Variants in CSNK2A2IP observed in about 807,000 individuals in gnomAD.
CSNK2A2IP encodes the protein casein kinase II subunit alpha'-interacting protein.
chr3:88,425,904 A>G, the CSNK2A2IP span, among the ~76,000 whole-genome samples: 1 of 152,116 alleles, frequency 6.6e-6, no homozygotes, highest in Admixed American at 6.5e-5. Context: ...AATAGTCTTG[A>G]TTTTACCCAA....
At chr3:88,464,902 G>A in the CSNK2A2IP span, among the ~76,000 whole-genome samples, 1 of 152,124 alleles carries the variant, frequency 6.6e-6, no homozygotes, top group South Asian at 2.1e-4. Flanking sequence ...TTTTACAGAT[G>A]ATGAATGGGG....
At chr3:88,340,669 T>A in the CSNK2A2IP span, among the ~76,000 whole-genome samples, 1 of 152,130 alleles carries the variant, frequency 6.6e-6, no homozygotes, top group Admixed American at 6.6e-5. Flanking sequence ...GTGATTTCTT[T>A]GAGCTTTAAG....
At chr3:88,423,063 A>G in the CSNK2A2IP span, among the ~76,000 whole-genome samples, 370 of 152,300 alleles carry the variant, frequency 2.4e-3, 2 homozygotes, top group African/African-American at 8.4e-3. Flanking sequence ...TCCAGCGTGG[A>G]ATACTTGAGA....
the CSNK2A2IP span, among the ~76,000 whole-genome samples, chr3:88,402,587 G>A: frequency 1.3e-5 from 2 of 151,974 alleles, no homozygotes; most frequent in African/African-American, 2.4e-5. Context: ...CAAAAATGTT[G>A]AGAGAAAAAG....
At chr3:88,453,551 T>G in the CSNK2A2IP span, among the ~76,000 whole-genome samples, 1 of 152,122 alleles carries the variant, frequency 6.6e-6, no homozygotes, top group East Asian at 1.9e-4. Context: ...ATGGGTTCCC[T>G]GAAGGACTAT....
At chr3:88,450,988 A>G in the CSNK2A2IP span, among the ~76,000 whole-genome samples, 9 of 152,030 alleles carry the variant, frequency 5.9e-5, no homozygotes, top group Non-Finnish European at 1.0e-4. Context: ...AATTTCCTTT[A>G]TTTCCCAGCT....
chr3:88,449,705 A>G, the CSNK2A2IP span, among the ~76,000 whole-genome samples: 1 of 148,606 alleles, frequency 6.7e-6, no homozygotes. Context: ...TAATGAAATC[A>G]ACCACACTCC....
At chr3:88,444,331 A>C in the CSNK2A2IP span, among the ~76,000 whole-genome samples, 1 of 152,182 alleles carries the variant, frequency 6.6e-6, no homozygotes, top group Non-Finnish European at 1.5e-5. Flanking sequence ...AATTTAGATG[A>C]AGATATTAAC....
chr3:88,370,961 C>T, the CSNK2A2IP span, among the ~76,000 whole-genome samples: 7 of 151,672 alleles, frequency 4.6e-5, no homozygotes, highest in African/African-American at 1.7e-4. Context: ...GAGAAAGTAG[C>T]CCTCTGAAAG....
the CSNK2A2IP span, among the ~76,000 whole-genome samples, chr3:88,379,297 C>T: frequency 6.6e-6 from 1 of 151,960 alleles, no homozygotes; most frequent in Non-Finnish European, 1.5e-5. Context: ...TCAGAATAAA[C>T]GCCTTGTCAA....
chr3:88,417,183 A>G, the CSNK2A2IP span, among the ~76,000 whole-genome samples: 1 of 152,122 alleles, frequency 6.6e-6, no homozygotes, highest in Non-Finnish European at 1.5e-5. Context: ...GTGATGAGAG[A>G]AAAATGGGAA....
chr3:88,379,852 T>C, the CSNK2A2IP span, among the ~76,000 whole-genome samples: 24 of 152,124 alleles, frequency 1.6e-4, no homozygotes, highest in African/African-American at 4.6e-4. Flanking sequence ...TGTTTTTATT[T>C]TTCAGGAAGA....
the CSNK2A2IP span, among the ~76,000 whole-genome samples, chr3:88,443,517 T>C: frequency 0.014 from 2,071 of 152,192 alleles, 40 homozygotes; most frequent in African/African-American, 0.048. Flanking sequence ...ATGCCAGCAA[T>C]AGTCAGGAGA....
At chr3:88,369,888 A>G in the CSNK2A2IP span, among the ~76,000 whole-genome samples, 1 of 151,930 alleles carries the variant, frequency 6.6e-6, no homozygotes, top group Non-Finnish European at 1.5e-5. Flanking sequence ...GAAACCACCA[A>G]AAGGGTGAGC....
chr3:88,402,423 A>G, the CSNK2A2IP span, among the ~76,000 whole-genome samples: 1 of 152,078 alleles, frequency 6.6e-6, no homozygotes, highest in South Asian at 2.1e-4. Flanking sequence ...GATTTACTTC[A>G]GAAAAACTCT....
the CSNK2A2IP span, among the ~76,000 whole-genome samples, chr3:88,386,338 C>T: frequency 1.3e-5 from 2 of 152,112 alleles, no homozygotes; most frequent in African/African-American, 4.8e-5. Context: ...GTTGGCCGGG[C>T]CAGTCTCAAA....
the CSNK2A2IP span, chr3:88,466,624 A>T: frequency 2.4e-6 from 3 of 1,231,186 alleles, no homozygotes; most frequent in Non-Finnish European, 3.0e-6. Context: ...CTGCATTGTT[A>T]AAGGTGGAAC....
the CSNK2A2IP span, among the ~76,000 whole-genome samples, chr3:88,380,812 T>C: frequency 6.6e-6 from 1 of 152,186 alleles, no homozygotes; most frequent in African/African-American, 2.4e-5. Flanking sequence ...TGTAGACCAA[T>C]TATCTAATGA....
chr3:88,442,763 A>T, the CSNK2A2IP span, among the ~76,000 whole-genome samples: 4 of 143,058 alleles, frequency 2.8e-5, no homozygotes, highest in African/African-American at 8.2e-5. Flanking sequence ...AATCTAGATT[A>T]AAAAAAAAAT....
Sources: gnomAD v4.1 joint callset for allele counts (sites outside exome capture counted in the v4.1 genomes callset) on GRCh38, gnomAD v4.1.1 for gene constraint, MANE v1.5 for transcripts, NCBI Gene and HGNC (gene_info 2026-07-23, HGNC 2026-07-21) for gene names.